Variants in ROCK2 observed in about 807,000 individuals in gnomAD.
ROCK2 encodes the protein rho-associated protein kinase 2.
A neutral mutation model predicts 195.1 loss-of-function variants in ROCK2; 61 were observed. The ratio of observed to expected loss-of-function variants is 0.31; its 90% CI spans 0.25 to 0.39. The LOEUF is 0.39. Ranked by LOEUF, ROCK2 falls within the 10% of genes least tolerant of loss-of-function variation. The pLI, the probability that ROCK2 is intolerant of heterozygous loss-of-function variation, is 1.00. For missense variants in ROCK2, 1,109 were observed against 1,637.4 expected (o/e 0.68, Z 5.57); for synonymous variants, 504 against 545.5 (o/e 0.92, Z 1.06).
At position 11,224,316 on chromosome 2, in the gene ROCK2, C is replaced by T. The variant is rs374261296; in HGVS notation, c.1007+6G>A. 2.3e-5 allele frequency: 37 copies of T among 1,607,414 alleles called. No individual in the cohort carries two copies. In the Middle Eastern group the frequency reaches 2.1e-3, roughly 93 times the overall value. On this transcript the variant is annotated splice_donor_region_variant and intron_variant, in intron 7 of 32. Coordinates refer to ENST00000315872, the MANE Select transcript of ROCK2 (RefSeq NM_004850.5). The stretch of plus-strand genomic sequence containing the variant: ...CTTCTCTACAAAGAAATTCAATGTA[C>T]ATTACCTATCTGTTAAGAAAGCACA...
At chr2:11,187,964 CACTTCTTAAA>C (rs1663257397) in intron 32 of ROCK2, among the ~76,000 whole-genome samples, 1 of 152,088 alleles carries the variant, frequency 6.6e-6, no homozygotes, top group Non-Finnish European at 1.5e-5. Context: ...CCATGTTTTA[CACTTCTTAAA>C]ACTCGGTAAG....
At chr2:11,278,910 A>C (rs1666913046) in intron 3 of ROCK2, among the ~76,000 whole-genome samples, 1 of 152,174 alleles carries the variant, frequency 6.6e-6, no homozygotes, top group African/African-American at 2.4e-5. Flanking sequence ...CACCGTGCCC[A>C]GCTGGTGGTT....
chr2:11,228,551 A>C (rs1664890871), intron 5 of ROCK2, among the ~76,000 whole-genome samples: 1 of 152,186 alleles, frequency 6.6e-6, no homozygotes, highest in Non-Finnish European at 1.5e-5. Flanking sequence ...TACAAAGGAC[A>C]AATTATGAAC....
At chr2:11,326,565 G>A (rs1318572337) in intron 1 of ROCK2, among the ~76,000 whole-genome samples, 1 of 152,126 alleles carries the variant, frequency 6.6e-6, no homozygotes, top group African/African-American at 2.4e-5. Flanking sequence ...AAGAACTGAG[G>A]TTTCGTTTTT....
Position 11,182,597 on chromosome 2 carries a change from T to C in ROCK2, c.*840A>G, listed in dbSNP as rs1182918060. On this transcript the variant is annotated 3_prime_UTR_variant, in exon 33 of 33. Transcript: ENST00000315872. Reference sequence around the variant, plus strand: ...TTATGTGTAAAAATAGTGCACGATTTATCTTCCACAAAGCTAGTTTACATC... The same window carrying C: ...TTATGTGTAAAAATAGTGCACGATTCATCTTCCACAAAGCTAGTTTACATC... 6.6e-6 allele frequency: 1 copy of C among 152,568 alleles called. No individual in the cohort carries two copies. The highest frequency in any genetic ancestry group is 2.4e-5 in the African/African-American group (1 of 41,466). 9.5% of individuals were successfully genotyped at this position (152,568 alleles called of 1,614,324 possible).
rs187279805 is a variant in ROCK2 at position 11,239,342 on chromosome 2, A to G, written c.463-3380T>C. On this transcript the variant is annotated intron_variant, in intron 4 of 32. Transcript: ENST00000315872. ...ATAGCATTGGTCATTAGGGAAATGC[A>G]CACTAAAACCACAATGACATACCAC... Among the ~76,000 whole-genome samples, 271 of 152,308 alleles carry G rather than the reference A, an allele frequency of 1.8e-3. 2 individuals carry two copies. The highest frequency in any genetic ancestry group is 6.3e-3 in the African/African-American group (262 of 41,572).
chr2:11,219,076 T>A (rs773123342), intron 9 of ROCK2, 50 bp from the exon 10 acceptor site: 5 of 1,024,778 alleles, frequency 4.9e-6, no homozygotes, highest in African/African-American at 1.6e-5. Context: ...TTTTAATCTA[T>A]GTGCTGTTTT....
At chr2:11,190,446 G>A (rs1471161264) in intron 32 of ROCK2, among the ~76,000 whole-genome samples, 1 of 151,688 alleles carries the variant, frequency 6.6e-6, no homozygotes, top group African/African-American at 2.4e-5. Context: ...GACTGGGAAA[G>A]GAAGGTATTT....
chr2:11,307,956 G>A, intron 1 of ROCK2: 3 of 1,461,592 alleles, frequency 2.1e-6, no homozygotes, highest in Non-Finnish European at 1.8e-6. Context: ...GCCAGGCCTG[G>A]GAAGGATGGC....
At chr2:11,287,844 C>G (rs2148195303) in intron 1 of ROCK2, 108 bp from the exon 2 acceptor site, 1 of 408,026 alleles carries the variant, frequency 2.5e-6, no homozygotes, top group East Asian at 3.8e-5. Flanking sequence ...AAATGCCAAC[C>G]CACTTTGATA....
intron 25 of ROCK2, 76 bp downstream of exon 25, chr2:11,198,415 T>A (rs1663718290): frequency 3.9e-6 from 4 of 1,029,824 alleles, no homozygotes; most frequent in Admixed American, 2.0e-5. Context: ...TACCAATTTG[T>A]AATGCTAGAA....
At chr2:11,202,216 T>C (rs1334210230) in intron 20 of ROCK2, 95 bp from the exon 21 acceptor site, 2 of 971,328 alleles carry the variant, frequency 2.1e-6, no homozygotes, top group Admixed American at 1.7e-5. Flanking sequence ...TGGGAGTCTC[T>C]GAGGTTCTTC....
intron 3 of ROCK2, among the ~76,000 whole-genome samples, chr2:11,284,461 T>A (rs933216698): frequency 6.6e-6 from 1 of 152,164 alleles, no homozygotes; most frequent in Non-Finnish European, 1.5e-5. Flanking sequence ...TGAGGGATGC[T>A]GACAATGGAA....
rs1454386367 is a variant in ROCK2, at chr2:11,182,428, A to G, written c.*1009T>C. Reference sequence around the variant, plus strand: ...AAATATTTTGTAGTCACAGACTAATACTGAGGTCTGTAAAAAGAGTTGAAT... The same window carrying G: ...AAATATTTTGTAGTCACAGACTAATGCTGAGGTCTGTAAAAAGAGTTGAAT... On this transcript the variant is annotated 3_prime_UTR_variant, in exon 33 of 33. Coordinates refer to ENST00000315872, the MANE Select transcript of ROCK2 (RefSeq NM_004850.5). The G allele has an allele frequency of 6.6e-6, 1 of 152,086 alleles. No homozygotes were observed. Among genetic ancestry groups the G allele is most frequent in the Non-Finnish European group, 1.5e-5 (1 of 68,034 alleles). 9.4% of individuals were successfully genotyped at this position (152,086 alleles called of 1,614,324 possible).
chr2:11,287,864 C>A lies in ROCK2; in HGVS notation c.142-128G>T. The A allele has an allele frequency of 7.9e-6, 3 of 380,674 alleles. No individual in the cohort carries two copies. In the East Asian group the frequency reaches 1.2e-4, roughly 15 times the overall value. The allele number at this position is 380,674 out of a possible 1,614,324, so 23.6% of individuals were successfully genotyped here. The stretch of plus-strand genomic sequence containing the variant: ...CCAACCCACTTTGATATGATAGTGT[C>A]CATAAGTTCCATATCCAACAGCTTT... On this transcript the variant is annotated intron_variant, in intron 1 of 32. Coordinates refer to ENST00000315872, the MANE Select transcript of ROCK2 (RefSeq NM_004850.5).
intron 1 of ROCK2, among the ~76,000 whole-genome samples, chr2:11,298,574 T>C (rs1667609353): frequency 6.6e-6 from 1 of 152,124 alleles, no homozygotes; most frequent in Non-Finnish European, 1.5e-5. Context: ...TCTAATATAT[T>C]GTATCTTCTC....
rs578095651 is a variant in ROCK2 at position 11,192,855 on chromosome 2, T to C, written c.3688-143A>G. On this transcript the variant is annotated intron_variant, in intron 30 of 32. Transcript: ENST00000315872. This position sits in a 1 kb window ranked among gnomAD's most constrained non-coding sequence, Gnocchi z 5.0. ...GTATCTGAAGTACAAACTTAAGCTC[T>C]TGATTACGCAAACTTAATCAAGAGC... 4.9e-5 allele frequency: 47 copies of C among 954,620 alleles called. No individual in the cohort carries two copies. The South Asian group carries it at 7.9e-4, about 16-fold the overall frequency. 59.1% of individuals were successfully genotyped at this position (954,620 alleles called of 1,614,324 possible). A position where few individuals can be genotyped will look rare whatever the true frequency, so the allele number is the denominator to read the frequency against.
chr2:11,238,583 C>G lies in ROCK2; in HGVS notation c.463-2621G>C, dbSNP rs1190349875. On this transcript the variant is annotated intron_variant, in intron 4 of 32. Coordinates refer to ENST00000315872, the MANE Select transcript of ROCK2 (RefSeq NM_004850.5). Reference sequence around the variant, plus strand: ...ACAATACTGGCCAGGCACGGTGGCTCACGCCGGTAATCCCAACACTTGAGG... The same window carrying G: ...ACAATACTGGCCAGGCACGGTGGCTGACGCCGGTAATCCCAACACTTGAGG... Among the ~76,000 whole-genome samples, 4 of 152,174 alleles carry G rather than the reference C, an allele frequency of 2.6e-5. No individual in the cohort carries two copies. The East Asian group carries it at 7.7e-4, about 29-fold the overall frequency.
intron 1 of ROCK2, among the ~76,000 whole-genome samples, chr2:11,333,876 GA>G (rs948456982): frequency 6.6e-6 from 1 of 152,034 alleles, no homozygotes; most frequent in Non-Finnish European, 1.5e-5. Flanking sequence ...GGAGAAGGGG[GA>G]AAAAATGACA....
Sources: allele counts gnomAD v4.1 joint callset (sites outside exome capture counted in the v4.1 genomes callset), GRCh38; gene constraint gnomAD v4.1.1; non-coding constraint Gnocchi (gnomAD v3.1); transcripts MANE v1.5; gene names NCBI Gene and HGNC (gene_info 2026-07-23, HGNC 2026-07-21).